PES1: variants seen among roughly 807,000 people sequenced by gnomAD.
The protein encoded by PES1 is pescadillo ribosomal biogenesis factor 1, also known as pescadillo homolog.
In PES1, 31 loss-of-function variants were observed where a neutral mutation model predicts 77.1. That is an observed-to-expected ratio of 0.40 (90% confidence interval 0.30 to 0.54). The LOEUF is 0.54. PES1 is among the 20% of genes least tolerant of loss of function. PES1 has a pLI of 0.45. For synonymous variants in PES1, 282 were observed against 303.0 expected (o/e 0.93, Z 0.72); for missense variants, 658 against 771.7 (o/e 0.85, Z 1.75).
chr22:30,604,465 TC>T (rs2087406045), intron 2 of PES1, among the ~76,000 whole-genome samples: 1 of 151,828 alleles, frequency 6.6e-6, no homozygotes, highest in African/African-American at 2.4e-5. Flanking sequence ...AAACCCTGTC[TC>T]TACTAAAAAT....
rs750735932 is a variant in PES1 at position 30,580,595 on chromosome 22, C to T, written c.1019G>A (p.Arg340His). 26 of 1,613,680 alleles carry T rather than the reference C, an allele frequency of 1.6e-5. No individual in the cohort carries two copies. The highest frequency in any genetic ancestry group is 2.2e-5 in the East Asian group (1 of 44,898). The change falls in exon 10 of 15, where the codon CGT (arginine) becomes CAT (histidine). Residue 340 changes from arginine (R) to histidine (H), a missense_variant. Physicochemically the swap from Arg to His is conservative, Grantham distance 29 (BLOSUM62 0). Coordinates refer to ENST00000354694, the MANE Select transcript of PES1 (RefSeq NM_014303.4). ...CCTGATGATGAAGGCCAGGGCCTCA[C>T]GGGGCACCTCTCGGTTCAGGAAGAA... ...LKFFLNREVP[R>H]EALAFIIRSF...
upstream of PES1, among the ~76,000 whole-genome samples, chr22:30,596,567 C>A (rs765802169): frequency 6.6e-6 from 1 of 151,876 alleles, no homozygotes; most frequent in Non-Finnish European, 1.5e-5. Flanking sequence ...TTCACAGCCT[C>A]CATTAGATTA....
At chr22:30,592,103 C>A, upstream of PES1, 1 of 1,283,660 alleles carries the variant, frequency 7.8e-7, no homozygotes, top group Non-Finnish European at 9.9e-7. Flanking sequence ...TTAAAACAAA[C>A]GTGGATATAC....
rs1427392394 is a variant in PES1 at position 30,597,393 on chromosome 22, C to G, written c.-660-4995G>C. ...AAGGGATTGTAAATACACCAATCAG[C>G]ACTCTATATGTAGCTCAAGGTTCGT... On this transcript the variant is annotated intron_variant, in intron 2 of 16. Coordinates refer to the PES1 transcript ENST00000402281. Among the ~76,000 whole-genome samples the G allele has an allele frequency of 1.4e-4, 21 of 151,664 alleles. 4 individuals are homozygous for G. Among genetic ancestry groups the G allele is most frequent in the Admixed American group, 1.3e-3 (20 of 15,206 alleles).
chr22:30,584,217 T>C, intron 6 of PES1, 148 bp downstream of exon 6: 1 of 660,390 alleles, frequency 1.5e-6, no homozygotes, highest in Non-Finnish European at 2.7e-6. Flanking sequence ...GGATGCTGTG[T>C]GGCACATTCT....
At chr22:30,597,330 G>T (rs977027970) in intron 2 of PES1, among the ~76,000 whole-genome samples, 1 of 151,864 alleles carries the variant, frequency 6.6e-6, no homozygotes, top group African/African-American at 2.4e-5. Context: ...CTGGGCTCCT[G>T]AGTCTAGTGG....
chr22:30,594,426 A>G (rs1383291662), upstream of PES1, among the ~76,000 whole-genome samples: 1 of 152,160 alleles, frequency 6.6e-6, no homozygotes, highest in Non-Finnish European at 1.5e-5. Flanking sequence ...AGGCCAAGGC[A>G]GAAAAATCAC....
Position 30,589,183 on chromosome 22 carries a change from A to G in PES1, c.104+8T>C, listed in dbSNP as rs1429251901. The G allele has an allele frequency of 1.2e-6, 2 of 1,611,182 alleles. No homozygotes were observed. The highest frequency in any genetic ancestry group is 1.7e-5 in the Admixed American group (1 of 59,860). The stretch of plus-strand genomic sequence containing the variant: ...TGCCCGGGCTTCCCACGGTCCCTCT[A>G]TATTCACCTAAAGTCAGCCAAGCTC... On this transcript the variant is annotated splice_region_variant and intron_variant, in intron 2 of 14. Coordinates refer to ENST00000354694, the MANE Select transcript of PES1 (RefSeq NM_014303.4).
chr22:30,593,493 C>T (rs1413564701), upstream of PES1, among the ~76,000 whole-genome samples: 9 of 141,536 alleles, frequency 6.4e-5, no homozygotes, highest in Non-Finnish European at 1.5e-5. Flanking sequence ...GGCTCCATCT[C>T]AAAAAAAAAA....
At chr22:30,585,128 G>A (rs544142342) in intron 4 of PES1, 242 of 396,068 alleles carry the variant, frequency 6.1e-4, no homozygotes, top group African/African-American at 4.7e-3. Flanking sequence ...TGCCCTGGTG[G>A]AGCAGGGAGC....
intron 12 of PES1, 188 bp from the exon 13 acceptor site, chr22:30,579,491 C>G (rs2086949251): frequency 1.6e-5 from 15 of 925,538 alleles, no homozygotes; most frequent in Non-Finnish European, 2.1e-5. Context: ...AATTCCAAGA[C>G]CCCCAGTCCT....
Position 30,579,875 on chromosome 22 carries a change from C to T in PES1, c.1230G>A (p.Val410=). ...DSVNARLLLP[V]AEYFSGVQLP... Reference sequence around the variant, plus strand: ...GCTGCACCCCAGAGAAGTACTCTGCCACGGGGAGAAGGAGCCTGGCGTTCA... The same window carrying T: ...GCTGCACCCCAGAGAAGTACTCTGCTACGGGGAGAAGGAGCCTGGCGTTCA... The change falls in exon 12 of 15, where the codon GTG becomes GTA. Residue 410 remains valine, a synonymous_variant. Transcript: ENST00000354694. The T allele has an allele frequency of 4.3e-6, 7 of 1,614,132 alleles. No homozygotes were observed. Among genetic ancestry groups the T allele is most frequent in the Non-Finnish European group, 5.9e-6 (7 of 1,180,036 alleles).
At chr22:30,587,535 C>T in intron 3 of PES1, 140 bp from the exon 4 acceptor site, 1 of 651,288 alleles carries the variant, frequency 1.5e-6, no homozygotes, top group South Asian at 1.9e-5. Context: ...TGTCACTGAC[C>T]CCTCTGCCCA....
At chr22:30,597,851 C>T (rs913193129) in intron 2 of PES1, among the ~76,000 whole-genome samples, 3 of 145,418 alleles carry the variant, frequency 2.1e-5, no homozygotes. Flanking sequence ...TGGTAACTCG[C>T]TCGGTTTTTT....
At position 30,577,033 on chromosome 22, in the gene PES1, G is replaced by T. The variant is rs760004066; in HGVS notation, c.*13C>A. 6.2e-7 allele frequency: 1 copy of T among 1,608,846 alleles called. No individual in the cohort carries two copies. The highest frequency in any genetic ancestry group is 1.3e-5 in the African/African-American group (1 of 74,838). ...TAGGGGCTGGCCTCAGCCCTGTGAGGGGCCGCAGGCACTCACTCCGGCCTT... is the reference window on the plus strand; with the variant it reads ...TAGGGGCTGGCCTCAGCCCTGTGAGTGGCCGCAGGCACTCACTCCGGCCTT... On this transcript the variant is annotated 3_prime_UTR_variant, in exon 15 of 15. Coordinates refer to ENST00000354694, the MANE Select transcript of PES1 (RefSeq NM_014303.4).
At chr22:30,578,439 G>A (rs989769468) in intron 14 of PES1, among the ~76,000 whole-genome samples, 1 of 152,180 alleles carries the variant, frequency 6.6e-6, no homozygotes, top group South Asian at 2.1e-4. Flanking sequence ...GGGTTCCAGG[G>A]TGCATGAGTT....
chr22:30,579,855 A>AC lies in PES1; in HGVS notation c.1249dup (p.Val417GlyfsTer22), dbSNP rs1276097330. On this transcript the variant is annotated frameshift_variant, in exon 12 of 15. Coordinates refer to ENST00000354694, the MANE Select transcript of PES1 (RefSeq NM_014303.4). LOFTEE classifies it high-confidence loss of function. Reference sequence around the variant, plus strand: ...GGGTGAAAGGTGTGGGGGCAGCTGCACCCCAGAGAAGTACTCTGCCACGGG... The same window carrying AC: ...GGGTGAAAGGTGTGGGGGCAGCTGCACCCCCAGAGAAGTACTCTGCCACGGG... 6.2e-7 allele frequency: 1 copy of AC among 1,613,604 alleles called. No homozygotes were observed. The highest frequency in any genetic ancestry group is 8.5e-7 in the Non-Finnish European group (1 of 1,179,666).
intron 4 of PES1, 84 bp from the exon 5 acceptor site, chr22:30,584,801 G>A: frequency 7.1e-7 from 1 of 1,411,612 alleles, no homozygotes; most frequent in Non-Finnish European, 9.7e-7. Flanking sequence ...CACCCCAGAT[G>A]CCCCGTTCCT....
intron 6 of PES1, among the ~76,000 whole-genome samples, chr22:30,582,958 C>T (rs987144819): frequency 6.6e-6 from 1 of 152,236 alleles, no homozygotes; most frequent in Non-Finnish European, 1.5e-5. Flanking sequence ...CAGTCCTCCC[C>T]ATCCGCTGAG....
Sources: allele counts gnomAD v4.1 joint callset (sites outside exome capture counted in the v4.1 genomes callset), GRCh38; gene constraint gnomAD v4.1.1; transcripts MANE v1.5; gene names NCBI Gene and HGNC (gene_info 2026-07-23, HGNC 2026-07-21).